The following DIP2C variants were observed in gnomAD, a reference collection of about 807,000 sequenced individuals.
The protein encoded by DIP2C is disco-interacting protein 2 homolog C.
DIP2C carries 33 observed loss-of-function variants against 192.4 expected under a neutral mutation model. That is an observed-to-expected ratio of 0.17 (90% confidence interval 0.13 to 0.23). The LOEUF (loss-of-function observed/expected upper bound fraction) is 0.23, where lower values mean the gene tolerates loss of function less well. Among genes scored for constraint, DIP2C ranks in the 10% least tolerant of loss-of-function variants. The pLI, the probability that DIP2C is intolerant of heterozygous loss-of-function variation, is 1.00. For missense variants in DIP2C, 1,537 were observed against 2,110.1 expected, an observed-to-expected ratio of 0.73 and a Z score of 5.32; for synonymous variants, 979 against 864.1, an observed-to-expected ratio of 1.13 and a Z score of -2.33.
At chr10:385,193 G>C (rs563229162) in intron 14 of DIP2C, among the ~76,000 whole-genome samples, 2 of 151,912 alleles carry the variant, frequency 1.3e-5, no homozygotes, top group East Asian at 3.9e-4. Context: ...ACGGACACCG[G>C]GCTGCACAGG....
At chr10:605,325 T>C (rs1852384370) in intron 1 of DIP2C, among the ~76,000 whole-genome samples, 1 of 152,228 alleles carries the variant, frequency 6.6e-6, no homozygotes. Context: ...ACTCCAAATC[T>C]CAATTTCATA....
At chr10:505,193 G>A (rs1845511372) in intron 1 of DIP2C, among the ~76,000 whole-genome samples, 2 of 152,284 alleles carry the variant, frequency 1.3e-5, no homozygotes, top group Non-Finnish European at 2.9e-5. Flanking sequence ...AATTGCTGAT[G>A]TTTTAAGGCA....
In DIP2C at chr10:328,291, C is replaced by T. The variant is rs543321175; in HGVS notation, c.3754-1115G>A. Among the ~76,000 whole-genome samples the T allele has an allele frequency of 1.1e-4, 17 of 152,314 alleles. No individual in the cohort carries two copies. In the East Asian group the frequency reaches 3.3e-3, roughly 29 times the overall value. ...TGAGAGGTAAAGCAGCATGCAGCTG[C>T]AACAGCAGGTCTGAAGCCAAAGATT... On this transcript the variant is annotated intron_variant, in intron 30 of 36. Transcript: ENST00000280886.
rs1434980928 is a variant in DIP2C, at chr10:509,831, C to T, written c.86-23301G>A. Among the ~76,000 whole-genome samples, 6 of 152,024 alleles carry T rather than the reference C, an allele frequency of 3.9e-5. No individual in the cohort carries two copies. The East Asian group carries it at 1.2e-3, about 29-fold the overall frequency. Reference sequence around the variant, plus strand: ...GGCATGGAGAGCAGCTTGGAGAGGACAGGGCCGCCGCAGTCTCCTCCCAAC... The same window carrying T: ...GGCATGGAGAGCAGCTTGGAGAGGATAGGGCCGCCGCAGTCTCCTCCCAAC... On this transcript the variant is annotated intron_variant, in intron 1 of 36. Coordinates refer to ENST00000280886, the MANE Select transcript of DIP2C (RefSeq NM_014974.3).
At chr10:339,285 T>C (rs1958028903) in intron 29 of DIP2C, among the ~76,000 whole-genome samples, 1 of 152,206 alleles carries the variant, frequency 6.6e-6, no homozygotes, top group Non-Finnish European at 1.5e-5. Flanking sequence ...ATAGAGATTT[T>C]TTTCTTTTTT....
At chr10:553,870 G>A (rs1325232801) in intron 1 of DIP2C, among the ~76,000 whole-genome samples, 1 of 151,512 alleles carries the variant, frequency 6.6e-6, no homozygotes, top group Non-Finnish European at 1.5e-5. Context: ...AACTAACAGT[G>A]AACAGGCAAG....
intron 17 of DIP2C, among the ~76,000 whole-genome samples, chr10:374,563 G>T (rs559415383): frequency 6.6e-6 from 1 of 152,242 alleles, no homozygotes; most frequent in Non-Finnish European, 1.5e-5. Context: ...GCCAATCTCA[G>T]TCTGGCTTCA....
intron 1 of DIP2C, among the ~76,000 whole-genome samples, chr10:596,906 T>A (rs1564247300): frequency 6.6e-6 from 1 of 152,202 alleles, no homozygotes; most frequent in Non-Finnish European, 1.5e-5. Flanking sequence ...GCAATGCGCA[T>A]AGTGACGCGA....
chr10:635,965 C>G (rs1199888671), intron 1 of DIP2C, among the ~76,000 whole-genome samples: 1 of 152,198 alleles, frequency 6.6e-6, no homozygotes. Context: ...CTCTGCCAAG[C>G]TCTGCACCCA....
chr10:378,335 G>C (rs976487239), intron 17 of DIP2C, among the ~76,000 whole-genome samples: 1 of 152,194 alleles, frequency 6.6e-6, no homozygotes, highest in Non-Finnish European at 1.5e-5. Context: ...GAACACGAAG[G>C]TGAAAACAGA....
At chr10:517,329 G>A (rs1385754751) in intron 1 of DIP2C, among the ~76,000 whole-genome samples, 1 of 152,156 alleles carries the variant, frequency 6.6e-6, no homozygotes, top group African/African-American at 2.4e-5. Flanking sequence ...GTAGAACACA[G>A]CCCTAATTCA....
chr10:388,696 C>T (rs7914284), intron 13 of DIP2C, among the ~76,000 whole-genome samples: 81,481 of 152,082 alleles, frequency 0.54, 22,049 homozygotes, highest in East Asian at 0.73. Flanking sequence ...GAGACACACA[C>T]GCTGTTTTTA....
intron 4 of DIP2C, among the ~76,000 whole-genome samples, chr10:425,661 G>A (rs974357082): frequency 6.6e-6 from 1 of 152,104 alleles, no homozygotes; most frequent in African/African-American, 2.4e-5. Context: ...TGACTAATAT[G>A]ACACGGATGA....
At chr10:376,859 C>T (rs961603337) in intron 17 of DIP2C, among the ~76,000 whole-genome samples, 7 of 152,182 alleles carry the variant, frequency 4.6e-5, no homozygotes, top group Admixed American at 1.3e-4. Context: ...ACACGCACCG[C>T]GAGGGGAAAT....
chr10:418,765 G>A (rs1965974824), intron 6 of DIP2C, among the ~76,000 whole-genome samples: 1 of 152,212 alleles, frequency 6.6e-6, no homozygotes, highest in South Asian at 2.1e-4. Context: ...CTCAGTTGCT[G>A]AACCACCGTT....
chr10:627,968 C>T (rs1016318862), intron 1 of DIP2C, among the ~76,000 whole-genome samples: 1 of 152,222 alleles, frequency 6.6e-6, no homozygotes, highest in Non-Finnish European at 1.5e-5. Context: ...GCTGTTTTAC[C>T]GGGGTACTAA....
At chr10:618,631 A>G (rs902001020) in intron 1 of DIP2C, among the ~76,000 whole-genome samples, 4 of 152,234 alleles carry the variant, frequency 2.6e-5, no homozygotes, top group African/African-American at 7.2e-5. Context: ...CTCATGACAG[A>G]CTTTGTTTGC....
At chr10:581,448 A>C (rs1850652994) in intron 1 of DIP2C, among the ~76,000 whole-genome samples, 1 of 152,150 alleles carries the variant, frequency 6.6e-6, no homozygotes, top group Non-Finnish European at 1.5e-5. Flanking sequence ...CTAATCAAAA[A>C]TGTACTTAGA....
At chr10:304,905 A>G (rs1391985311) in intron 32 of DIP2C, among the ~76,000 whole-genome samples, 1 of 152,094 alleles carries the variant, frequency 6.6e-6, no homozygotes, top group Non-Finnish European at 1.5e-5. Flanking sequence ...ACTTGCATGT[A>G]CTCGTGTGCA....
Sources: gnomAD v4.1 joint callset for allele counts (sites outside exome capture counted in the v4.1 genomes callset) on GRCh38, gnomAD v4.1.1 for gene constraint, MANE v1.5 for transcripts, NCBI Gene and HGNC (gene_info 2026-07-23, HGNC 2026-07-21) for gene names.